The following G2E3 variants were observed in gnomAD, a reference collection of about 807,000 sequenced individuals.
G2E3 encodes the protein G2/M phase-specific E3 ubiquitin-protein ligase.
G2E3 carries 35 observed loss-of-function variants against 92.8 expected under a neutral mutation model. The observed-to-expected ratio is 0.38, with a 90% CI of 0.29 to 0.50. The LOEUF (loss-of-function observed/expected upper bound fraction) is 0.50, where lower values mean the gene tolerates loss of function less well. Among genes scored for constraint, G2E3 ranks in the 20% least tolerant of loss-of-function variants. G2E3 has a pLI of 0.94. For synonymous variants in G2E3, 242 were observed against 272.4 expected, an observed-to-expected ratio of 0.89 and a Z score of 1.10; for missense variants, 554 against 823.8, an observed-to-expected ratio of 0.67 and a Z score of 4.01.
chr14:30,612,999 T>C (rs1204189259), intron 13 of G2E3, among the ~76,000 whole-genome samples: 1 of 152,274 alleles, frequency 6.6e-6, no homozygotes, highest in African/African-American at 2.4e-5. Context: ...TGCATTCATT[T>C]AATAACTATT....
chr14:30,601,719 G>A (rs920133753), intron 8 of G2E3, 51 bp from the exon 9 acceptor site: 2 of 1,602,306 alleles, frequency 1.2e-6, no homozygotes, highest in African/African-American at 2.7e-5. Flanking sequence ...GCTAGTGGTT[G>A]AAACTAGAAT....
intron 1 of G2E3, among the ~76,000 whole-genome samples, chr14:30,575,794 A>G (rs988904352): frequency 1.3e-5 from 2 of 152,250 alleles, no homozygotes; most frequent in Non-Finnish European, 2.9e-5. Context: ...TGAAATACCT[A>G]GGAATACAGC....
At chr14:30,577,415 G>A (rs920359023) in intron 1 of G2E3, among the ~76,000 whole-genome samples, 3 of 152,246 alleles carry the variant, frequency 2.0e-5, no homozygotes, top group South Asian at 2.1e-4. Context: ...ATTACTGATA[G>A]TTTCTGTTGA....
At chr14:30,573,169 A>T (rs1879868661) in intron 1 of G2E3, among the ~76,000 whole-genome samples, 1 of 152,026 alleles carries the variant, frequency 6.6e-6, no homozygotes, top group Non-Finnish European at 1.5e-5. Flanking sequence ...ATTATTTCCT[A>T]GAATGTAAAT....
chr14:30,613,356 A>G lies in G2E3; in HGVS notation c.1673+977A>G, dbSNP rs140663699. On this transcript the variant is annotated intron_variant, in intron 13 of 14. Coordinates refer to ENST00000206595, the MANE Select transcript of G2E3 (RefSeq NM_017769.5). ...ATCATTAATCCATAGATTTAAATAT[A>G]TTTGATGTGTTTAAAATCTTTATAG... Among the ~76,000 whole-genome samples the G allele has an allele frequency of 8.9e-4, 135 of 152,342 alleles. 1 individual carries two copies. The highest frequency in any genetic ancestry group is 3.1e-3 in the African/African-American group (127 of 41,580).
At chr14:30,609,703 T>C (rs570713603) in intron 12 of G2E3, among the ~76,000 whole-genome samples, 2 of 152,172 alleles carry the variant, frequency 1.3e-5, no homozygotes, top group Admixed American at 6.5e-5. Flanking sequence ...AAGATAAAAA[T>C]AGTATTTTTC....
intron 11 of G2E3, among the ~76,000 whole-genome samples, chr14:30,606,529 A>C (rs535260801): frequency 1.3e-5 from 2 of 152,262 alleles, no homozygotes; most frequent in South Asian, 4.1e-4. Flanking sequence ...TTAAAATAAA[A>C]TGTAAAAATA....
chr14:30,585,130 A>G (rs1246853389), intron 2 of G2E3, among the ~76,000 whole-genome samples: 1 of 152,022 alleles, frequency 6.6e-6, no homozygotes, highest in Non-Finnish European at 1.5e-5. Flanking sequence ...CACTGTACCC[A>G]GACAATAGTG....
chr14:30,612,479 T>C, intron 13 of G2E3, 100 bp downstream of exon 13: 2 of 770,958 alleles, frequency 2.6e-6, no homozygotes, highest in Non-Finnish European at 2.1e-6. Context: ...GTGAGATGTT[T>C]TTCTCAGAAA....
At chr14:30,593,416 T>C in intron 5 of G2E3, 58 bp from the exon 6 acceptor site, 1 of 787,854 alleles carries the variant, frequency 1.3e-6, no homozygotes, top group Non-Finnish European at 2.1e-6. Flanking sequence ...AATTACAGTG[T>C]TTTCCAAGTT....
intron 1 of G2E3, among the ~76,000 whole-genome samples, chr14:30,566,427 T>C (rs1228482969): frequency 2.0e-5 from 3 of 151,634 alleles, no homozygotes; most frequent in African/African-American, 7.2e-5. Context: ...TTCAGCACTG[T>C]TTTGTAGTTT....
chr14:30,581,937 CTA>C lies in G2E3; in HGVS notation c.37+822_37+823del, dbSNP rs574617998. Among the ~76,000 whole-genome samples, 19 of 152,270 alleles carry C rather than the reference CTA, an allele frequency of 1.2e-4. No homozygotes were observed. In the South Asian group the frequency reaches 3.7e-3, roughly 30 times the overall value. On this transcript the variant is annotated intron_variant, in intron 2 of 14. Coordinates refer to ENST00000206595, the MANE Select transcript of G2E3 (RefSeq NM_017769.5). Reference sequence around the variant, plus strand: ...TATTTTAGATCCTTTTAAATTCACTCTAAAATTAAAATATTATTCTTACAACT... The same window carrying C: ...TATTTTAGATCCTTTTAAATTCACTCAAATTAAAATATTATTCTTACAACT...
intron 13 of G2E3, among the ~76,000 whole-genome samples, chr14:30,614,727 GAT>G (rs1415845684): frequency 1.8e-4 from 28 of 152,310 alleles, no homozygotes. Flanking sequence ...AGGCAAAAAT[GAT>G]ATGTTTGTTC....
At chr14:30,597,376 CAG>C (rs1566543625) in intron 6 of G2E3, 42 bp from the exon 7 acceptor site, 1 of 935,622 alleles carries the variant, frequency 1.1e-6, no homozygotes. Context: ...CACCTGATAA[CAG>C]ATTTAAATCA....
intron 1 of G2E3, among the ~76,000 whole-genome samples, chr14:30,576,516 A>G (rs1043673965): frequency 6.6e-6 from 1 of 152,226 alleles, no homozygotes; most frequent in Non-Finnish European, 1.5e-5. Flanking sequence ...AAAAATTGAC[A>G]AGTGGGATCT....
At chr14:30,559,860 A>G (rs953685696) in intron 1 of G2E3, 1 of 152,104 alleles carries the variant, frequency 6.6e-6, no homozygotes, top group African/African-American at 2.4e-5. Context: ...TAAAACCCGG[A>G]TATTTTTCTT....
rs762208409 is a variant in G2E3, at chr14:30,615,503, T to C, written c.1828T>C (p.Leu610=). ...TVHTLPDVKA[L]GFWNSYLQAV... ...ACACACATTACCTGATGTGAAAGCT[T>C]TGGGGTTTTGGAACAGTTACTTACA... Residue 610 remains leucine (L), a synonymous_variant, in exon 14 of 15, where the codon TTG becomes CTG. Coordinates refer to ENST00000206595, the MANE Select transcript of G2E3 (RefSeq NM_017769.5). 6.9e-6 allele frequency: 11 copies of C among 1,602,556 alleles called. No individual in the cohort carries two copies. Among genetic ancestry groups the C allele is most frequent in the South Asian group, 1.1e-5 (1 of 88,550 alleles).
chr14:30,609,595 T>A (rs1045182555), intron 12 of G2E3, among the ~76,000 whole-genome samples: 1 of 152,220 alleles, frequency 6.6e-6, no homozygotes, highest in African/African-American at 2.4e-5. Flanking sequence ...TCTCCTGTAA[T>A]CTTTCTGAAT....
chr14:30,619,186 T>G lies in G2E3; in HGVS notation c.*2652T>G, dbSNP rs1882450538. On this transcript the variant is annotated 3_prime_UTR_variant, in exon 15 of 15. Transcript: ENST00000206595. ...TTTTAGTTTCTGTAATTTGAGGAAGTGACTTTTTTTGTTTGGGTTAAGTAA... is the reference window on the plus strand; with the variant it reads ...TTTTAGTTTCTGTAATTTGAGGAAGGGACTTTTTTTGTTTGGGTTAAGTAA... The G allele has an allele frequency of 6.6e-6, 1 of 152,126 alleles. No homozygotes were observed. The allele number at this position is 152,126 out of a possible 1,614,324, so 9.4% of individuals were successfully genotyped here.
Sources: gnomAD v4.1 joint callset for allele counts (sites outside exome capture counted in the v4.1 genomes callset) on GRCh38, gnomAD v4.1.1 for gene constraint, MANE v1.5 for transcripts, NCBI Gene and HGNC (gene_info 2026-07-23, HGNC 2026-07-21) for gene names.